Variants in WWC2 observed in about 807,000 individuals in gnomAD.
WWC2 encodes the protein protein WWC2.
WWC2 carries 101 observed loss-of-function variants against 138.5 expected under a neutral mutation model. The ratio of observed to expected loss-of-function variants is 0.73; its 90% confidence interval spans 0.62 to 0.86. The LOEUF (loss-of-function observed/expected upper bound fraction) is 0.86, where lower values mean the gene tolerates loss of function less well. Ranked by LOEUF, WWC2 falls within the 40% of genes least tolerant of loss-of-function variation. WWC2 has a pLI of 0.00. For synonymous variants in WWC2, 558 were observed against 538.4 expected (o/e 1.04, Z -0.50); for missense variants, 1,420 against 1,419.4 (o/e 1.00, Z -0.01).
At chr4:183,252,576 C>G (rs988356493) in intron 8 of WWC2, among the ~76,000 whole-genome samples, 1 of 152,206 alleles carries the variant, frequency 6.6e-6, no homozygotes, top group African/African-American at 2.4e-5. Flanking sequence ...TTTCCTCCTC[C>G]TTCTCCTGTC....
Position 183,280,883 on chromosome 4 carries a change from C to A in WWC2, c.2670C>A (p.Gly890=), listed in dbSNP as rs1395181266. The change falls in exon 17 of 23, where the codon GGC becomes GGA. Residue 890 remains glycine (G), a synonymous_variant. Coordinates refer to ENST00000403733, the MANE Select transcript of WWC2 (RefSeq NM_024949.6). ...AATCAGGACAAGAAGAGCCAAGGGG[C>A]CCAGATGGAGACTGGTTAAACACTT... ...EEESGQEEPR[G]PDGDWLTMLR... 6.4e-7 allele frequency: 1 copy of A among 1,569,470 alleles called. No homozygotes were observed. The highest frequency in any genetic ancestry group is 1.9e-5 in the Admixed American group (1 of 52,556).
chr4:183,210,137 A>G (rs1054781465), intron 4 of WWC2, among the ~76,000 whole-genome samples: 4 of 152,146 alleles, frequency 2.6e-5, no homozygotes, highest in Non-Finnish European at 5.9e-5. Flanking sequence ...AGTTTATTTC[A>G]ATTTCTGATT....
chr4:183,306,930 C>T (rs1204231161), intron 21 of WWC2, among the ~76,000 whole-genome samples: 4 of 145,352 alleles, frequency 2.8e-5, no homozygotes, highest in Non-Finnish European at 6.0e-5. Flanking sequence ...TCATTATTAT[C>T]CTCTGACAGA....
At chr4:183,124,124 T>C (rs754471619) in intron 1 of WWC2, among the ~76,000 whole-genome samples, 1 of 152,220 alleles carries the variant, frequency 6.6e-6, no homozygotes, top group Non-Finnish European at 1.5e-5. Context: ...GATAGCCATA[T>C]AGATACCCAA....
intron 4 of WWC2, among the ~76,000 whole-genome samples, chr4:183,233,418 A>G (rs1215134107): frequency 6.6e-6 from 1 of 151,834 alleles, no homozygotes. Context: ...CCGCCTCCCA[A>G]AGTGCTGGGA....
At chr4:183,137,398 C>CT (rs763646086) in intron 1 of WWC2, among the ~76,000 whole-genome samples, 43 of 151,848 alleles carry the variant, frequency 2.8e-4, no homozygotes, top group Non-Finnish European at 5.0e-4. Flanking sequence ...TCTTTTTAAA[C>CT]TTTTTTTGTT....
At chr4:183,157,737 G>A (rs1332321515) in intron 1 of WWC2, among the ~76,000 whole-genome samples, 1 of 152,016 alleles carries the variant, frequency 6.6e-6, no homozygotes, top group Non-Finnish European at 1.5e-5. Context: ...TCCTGACCTT[G>A]TGATCCGCCT....
chr4:183,302,774 C>G (rs1738895026), intron 21 of WWC2, among the ~76,000 whole-genome samples: 1 of 152,090 alleles, frequency 6.6e-6, no homozygotes, highest in Admixed American at 6.6e-5. Flanking sequence ...GTATGTCTGT[C>G]AGATAGAGGC....
rs770735425 is a variant in WWC2 at position 183,261,161 on chromosome 4, C to A, written c.1538C>A (p.Ser513Tyr). ...TTIHENEVVK[S>Y]PSQPGQSGLC... ...ATCCATGAAAACGAGGTGGTCAAGT[C>A]CCCTAGCCAGCCTGGCCAGAGTGGA... The change falls in exon 11 of 23, where the codon TCC becomes TAC. Residue 513 changes from serine to tyrosine, a missense_variant. Coordinates refer to ENST00000403733, the MANE Select transcript of WWC2 (RefSeq NM_024949.6). 1.2e-6 allele frequency: 2 copies of A among 1,613,744 alleles called. No individual in the cohort carries two copies.
At chr4:183,124,539 T>TTA (rs1554065847) in intron 1 of WWC2, among the ~76,000 whole-genome samples, 1 of 149,020 alleles carries the variant, frequency 6.7e-6, no homozygotes, top group Non-Finnish European at 1.5e-5. Flanking sequence ...TTTTTCTCTT[T>TTA]TTTTTTTTTT....
intron 8 of WWC2, 142 bp downstream of exon 8, chr4:183,250,135 C>T (rs929503060): frequency 3.6e-5 from 25 of 686,214 alleles, no homozygotes; most frequent in Non-Finnish European, 6.1e-5. Flanking sequence ...GTCAGGGCTG[C>T]TTCCTCTCTG....
rs77544706 is a variant in WWC2, at chr4:183,112,126, A to G, written c.131+12504A>G. ...AACTTGGCAGAATGTTTAACATAAC[A>G]TCAGTGCCCTGGTTTGCTATTGTAG... On this transcript the variant is annotated intron_variant, in intron 1 of 22. Transcript: ENST00000403733. Among the ~76,000 whole-genome samples the G allele has an allele frequency of 5.2e-3, 790 of 152,378 alleles. 4 individuals carry two copies. Among genetic ancestry groups the G allele is most frequent in the Non-Finnish European group, 8.5e-3 (576 of 68,036 alleles).
At chr4:183,261,619 G>T in intron 11 of WWC2, 87 bp downstream of exon 11, 4 of 1,399,506 alleles carry the variant, frequency 2.9e-6, no homozygotes, top group East Asian at 2.5e-5. Flanking sequence ...ATAAACAAAG[G>T]GTATGATTCC....
chr4:183,101,246 A>G (rs1020870061), intron 1 of WWC2, among the ~76,000 whole-genome samples: 1 of 152,244 alleles, frequency 6.6e-6, no homozygotes, highest in African/African-American at 2.4e-5. Context: ...GTTTACCGGA[A>G]AGGATTACAA....
chr4:183,115,420 CTGTTT>C (rs1732378732), intron 1 of WWC2, among the ~76,000 whole-genome samples: 2 of 152,312 alleles, frequency 1.3e-5, no homozygotes, highest in African/African-American at 4.8e-5. Flanking sequence ...GATGGCAGTT[CTGTTT>C]TAAGTTCTTT....
At chr4:183,265,547 T>C in intron 12 of WWC2, 141 bp from the exon 13 acceptor site, 1 of 866,032 alleles carries the variant, frequency 1.2e-6, no homozygotes, top group Non-Finnish European at 1.8e-6. Flanking sequence ...CAGTAAGCTT[T>C]CGCTGGGATC....
At chr4:183,271,951 A>G (rs1737707780) in intron 16 of WWC2, among the ~76,000 whole-genome samples, 1 of 152,156 alleles carries the variant, frequency 6.6e-6, no homozygotes, top group Non-Finnish European at 1.5e-5. Flanking sequence ...AGCTGCAGTG[A>G]GCCATGATCA....
chr4:183,246,547 A>G (rs937205318), intron 6 of WWC2, among the ~76,000 whole-genome samples: 1 of 152,132 alleles, frequency 6.6e-6, no homozygotes, highest in Non-Finnish European at 1.5e-5. Context: ...ATGTAATTGT[A>G]AATACTGACT....
At chr4:183,292,343 A>T (rs1159936240) in intron 21 of WWC2, among the ~76,000 whole-genome samples, 1 of 143,920 alleles carries the variant, frequency 6.9e-6, no homozygotes, top group East Asian at 2.1e-4. Context: ...TCCCATCTCC[A>T]TGGAAAAAAA....
Sources: allele counts gnomAD v4.1 joint callset (sites outside exome capture counted in the v4.1 genomes callset), GRCh38; gene constraint gnomAD v4.1.1; transcripts MANE v1.5; gene names NCBI Gene and HGNC (gene_info 2026-07-23, HGNC 2026-07-21).